Variants in ADH4 observed in about 807,000 individuals in gnomAD.
ADH4 encodes all-trans-retinol dehydrogenase [NAD(+)] ADH4.
In ADH4, 31 loss-of-function variants were observed where a neutral mutation model predicts 35.2. That is an observed-to-expected ratio of 0.88 (90% CI 0.66 to 1.19). ADH4 has a LOEUF of 1.19. Ranked by LOEUF, ADH4 falls within the 50% of genes most tolerant of loss-of-function variation. The pLI is 0.00. For synonymous variants in ADH4, 171 were observed against 160.2 expected, an observed-to-expected ratio of 1.07 and a Z score of -0.51; for missense variants, 476 against 458.3, an observed-to-expected ratio of 1.04 and a Z score of -0.35.
chr4:99,131,522 T>G lies in ADH4; in HGVS notation c.825A>C (p.Ala275=). The change falls in exon 6 of 9, where the codon GCA becomes GCC. Residue 275 remains alanine (A), a synonymous_variant. Transcript: ENST00000265512. ...KGGVDFALDC[A]GGSETMKAAL... ...TACATACCATGGTTTCAGATCCACC[T>G]GCACAGTCAAGGGCAAAATCCACAC... 6.2e-7 allele frequency: 1 copy of G among 1,613,746 alleles called. No individual in the cohort carries two copies. Among genetic ancestry groups the G allele is most frequent in the Non-Finnish European group, 8.5e-7 (1 of 1,179,904 alleles).
intron 1 of ADH4, chr4:99,143,492 A>C (rs1729703448): frequency 6.5e-6 from 2 of 307,810 alleles, no homozygotes; most frequent in East Asian, 5.4e-5. Flanking sequence ...TTCTAGCCTC[A>C]AATTATATTT....
chr4:99,138,966 G>C (rs1429747206), intron 4 of ADH4, 95 bp downstream of exon 4: 1 of 826,778 alleles, frequency 1.2e-6, no homozygotes, highest in South Asian at 1.8e-5. Context: ...TGGGTGGAAG[G>C]TTTGCACCTC....
At position 99,127,227 on chromosome 4, in the gene ADH4, T is replaced by G; in HGVS notation, c.961A>C (p.Asn321His). 1 of 1,609,936 alleles carries G rather than the reference T, an allele frequency of 6.2e-7. No individual in the cohort carries two copies. Among genetic ancestry groups the G allele is most frequent in the Non-Finnish European group, 8.5e-7 (1 of 1,178,192 alleles). Reference protein sequence around the residue: ...PEELIIGRTINGTFFGGWKSV... With the variant: ...PEELIIGRTIHGTFFGGWKSV... ...AACTGACCACCAAAGAATGTTCCAT[T>G]TATAGTACGGCCGATTATTAGCTCC... The change falls in exon 7 of 9, where the codon AAT becomes CAT. Residue 321 changes from asparagine (N) to histidine (H), a missense_variant. Physicochemically the swap from Asn to His is moderately conservative, Grantham distance 68 (BLOSUM62 1). Coordinates refer to ENST00000265512, the MANE Select transcript of ADH4 (RefSeq NM_000670.5).
intron 5 of ADH4, 55 bp downstream of exon 5, chr4:99,136,411 T>C: frequency 2.1e-6 from 3 of 1,448,362 alleles, no homozygotes; most frequent in Non-Finnish European, 2.9e-6. Flanking sequence ...TTCATCTGTA[T>C]CACACTGCCT....
At chr4:99,135,696 G>T (rs1367386194) in intron 5 of ADH4, among the ~76,000 whole-genome samples, 1 of 152,146 alleles carries the variant, frequency 6.6e-6, no homozygotes, top group African/African-American at 2.4e-5. Context: ...TGAGGAATTT[G>T]AGCTCACCCT....
chr4:99,126,769 A>G, intron 7 of ADH4, 37 bp from the exon 8 acceptor site: 1 of 1,560,110 alleles, frequency 6.4e-7, no homozygotes, highest in Non-Finnish European at 8.7e-7. Context: ...AAGACATGGC[A>G]CTTGACACGA....
At chr4:99,135,497 A>C (rs1729408674) in intron 5 of ADH4, among the ~76,000 whole-genome samples, 1 of 152,134 alleles carries the variant, frequency 6.6e-6, no homozygotes, top group African/African-American at 2.4e-5. Flanking sequence ...CCTGAAGTAG[A>C]TCTCTGAGAG....
At position 99,141,604 on chromosome 4, in the gene ADH4, C is replaced by T. The variant is rs748709323; in HGVS notation, c.199G>A (p.Val67Ile). 67 of 1,613,968 alleles carry T rather than the reference C, an allele frequency of 4.2e-5. No homozygotes were observed. The highest frequency in any genetic ancestry group is 4.8e-5 in the Non-Finnish European group (57 of 1,180,002). ...ACAATACCTGCAGCCTCATGGCCAACGATCACTGGGAAAGCTAGGCCCTCA... is the reference window on the plus strand; with the variant it reads ...ACAATACCTGCAGCCTCATGGCCAATGATCACTGGGAAAGCTAGGCCCTCA... ...KFEGLAFPVI[V>I]GHEAAGIVES... Residue 67 changes from valine (V) to isoleucine (I), a missense_variant, in exon 3 of 9, where the codon GTT becomes ATT. Coordinates refer to ENST00000265512, the MANE Select transcript of ADH4 (RefSeq NM_000670.5).
rs770734019 is a variant in ADH4, at chr4:99,136,617, T to G, written c.431A>C (p.Tyr144Ser). 69 of 1,614,030 alleles carry G rather than the reference T, an allele frequency of 4.3e-5. No homozygotes were observed. Among genetic ancestry groups the G allele is most frequent in the Non-Finnish European group, 5.8e-5 (69 of 1,180,002 alleles). ...SRFTCKGKPV[Y>S]HFFGTSTFSQ... ...GAATGTACTGGTTCCAAAGAAATGG[T>G]AAACTGGTTTTCCTTTGCAGGTAAA... Residue 144 changes from tyrosine (Y) to serine (S), a missense_variant, in exon 5 of 9, where the codon TAC (tyrosine) becomes TCC (serine). Coordinates refer to ENST00000265512, the MANE Select transcript of ADH4 (RefSeq NM_000670.5).
In ADH4 at chr4:99,136,485, G is replaced by T; in HGVS notation, c.563C>A (p.Ala188Asp). The T allele has an allele frequency of 6.2e-7, 1 of 1,613,912 alleles. No homozygotes were observed. Among genetic ancestry groups the T allele is most frequent in the Non-Finnish European group, 8.5e-7 (1 of 1,179,926 alleles). Residue 188 changes from alanine (A) to aspartate (D), a missense_variant, in exon 5 of 9, where the codon GCT (alanine) becomes GAT (aspartate). Transcript: ENST00000265512. ...LGCGFSTGYG[A>D]AINNAKVTPG... ...ATTTACCTTGGCATTGTTGATTGCA[G>T]CCCCATAGCCAGTTGAAAACCCACA...
chr4:99,143,268 G>C (rs1560782839), intron 1 of ADH4: 1 of 701,082 alleles, frequency 1.4e-6, no homozygotes, highest in Non-Finnish European at 2.6e-6. Context: ...GAATTTGTTA[G>C]AGATGAAAGC....
chr4:99,126,920 A>G (rs1044384405), intron 7 of ADH4, among the ~76,000 whole-genome samples, 188 bp from the exon 8 acceptor site: 10 of 152,038 alleles, frequency 6.6e-5, no homozygotes, highest in African/African-American at 2.2e-4. Flanking sequence ...AAAATTTAAG[A>G]TTATTTTCCA....
Position 99,131,654 on chromosome 4 carries a change from G to A in ADH4, c.693C>T (p.Asn231=), listed in dbSNP as rs371269435. 7.4e-6 allele frequency: 12 copies of A among 1,614,014 alleles called. No individual in the cohort carries two copies. In the African/African-American group the frequency reaches 1.3e-4, roughly 18 times the overall value. The change falls in exon 6 of 9, where the codon AAC becomes AAT. Residue 231 remains asparagine (N), a synonymous_variant. Coordinates refer to ENST00000265512, the MANE Select transcript of ADH4 (RefSeq NM_000670.5). ...CTTTAGCCTTCACAAACTTCTCACTGTTGATGTCAATACCTATGATTCTGG... is the reference window on the plus strand; with the variant it reads ...CTTTAGCCTTCACAAACTTCTCACTATTGATGTCAATACCTATGATTCTGG... ...GASRIIGIDI[N]SEKFVKAKAL...
intron 8 of ADH4, among the ~76,000 whole-genome samples, chr4:99,125,333 T>C (rs758876821): frequency 1.3e-5 from 2 of 152,216 alleles, no homozygotes; most frequent in Non-Finnish European, 1.5e-5. Flanking sequence ...GGCCTCACTC[T>C]GGTGTCTACC....
At chr4:99,140,796 G>A (rs1256030540) in intron 3 of ADH4, among the ~76,000 whole-genome samples, 1 of 151,526 alleles carries the variant, frequency 6.6e-6, no homozygotes, top group African/African-American at 2.4e-5. Context: ...GAACCCAGGA[G>A]GCGGAGGTTG....
intron 1 of ADH4, chr4:99,143,015 G>A (rs1426363057): frequency 1.2e-5 from 7 of 595,878 alleles, no homozygotes; most frequent in Admixed American, 5.5e-5. Context: ...TTTATTTCTT[G>A]AAAAAAAAAC....
In ADH4 at chr4:99,141,677, A is replaced by G. The variant is rs757056129; in HGVS notation, c.126T>C (p.Ile42=). The stretch of plus-strand genomic sequence containing the variant: ...CATCAGTATGGCACAGAGAGGTAGC[A>G]ATGATCTACAAGGCAATCACAGACT... The part of the protein sequence containing the change: ...PKAHEVRIQI[I]ATSLCHTDAT... The change falls in exon 3 of 9, where the codon ATT becomes ATC. Residue 42 remains isoleucine (I), a synonymous_variant. Transcript: ENST00000265512. 1 of 1,613,478 alleles carries G rather than the reference A, an allele frequency of 6.2e-7. No homozygotes were observed. Among genetic ancestry groups the G allele is most frequent in the East Asian group, 2.2e-5 (1 of 44,862 alleles).
At chr4:99,141,329 A>T (rs1420546204) in intron 3 of ADH4, among the ~76,000 whole-genome samples, 8 of 152,188 alleles carry the variant, frequency 5.3e-5, no homozygotes, top group Non-Finnish European at 4.4e-5. Flanking sequence ...AAATAAAGTG[A>T]CCACATTTCC....
intron 6 of ADH4, among the ~76,000 whole-genome samples, chr4:99,127,754 GGGA>G (rs1268817710): frequency 1.3e-5 from 2 of 151,742 alleles, no homozygotes; most frequent in Non-Finnish European, 2.9e-5. Context: ...GCCTGAACCC[GGGA>G]GGAGGAGGAG....
Sources: gnomAD v4.1 joint callset for allele counts (sites outside exome capture counted in the v4.1 genomes callset) on GRCh38, gnomAD v4.1.1 for gene constraint, MANE v1.5 for transcripts, NCBI Gene and HGNC (gene_info 2026-07-23, HGNC 2026-07-21) for gene names.